Variants in ANKDD1A observed in about 807,000 individuals in gnomAD.
ANKDD1A encodes ankyrin repeat and death domain-containing protein 1A.
ANKDD1A carries 59 observed loss-of-function variants against 63.5 expected under a neutral mutation model. That is an observed-to-expected ratio of 0.93 (90% CI 0.75 to 1.15). The LOEUF (loss-of-function observed/expected upper bound fraction) is 1.15. Among genes scored for constraint, ANKDD1A ranks in the 50% most tolerant of loss-of-function variants. The pLI is 0.00. For synonymous variants in ANKDD1A, 266 were observed against 263.9 expected, an observed-to-expected ratio of 1.01 and a Z score of -0.08; for missense variants, 632 against 656.4, an observed-to-expected ratio of 0.96 and a Z score of 0.41.
chr15:64,945,957 AC>A (rs2085219926), intron 12 of ANKDD1A, among the ~76,000 whole-genome samples: 2 of 151,924 alleles, frequency 1.3e-5, no homozygotes, highest in African/African-American at 2.4e-5. Flanking sequence ...TCAAGACATA[AC>A]CCCATCATAA....
intron 4 of ANKDD1A, among the ~76,000 whole-genome samples, chr15:64,924,102 G>A (rs2085028486): frequency 1.3e-5 from 2 of 152,266 alleles, no homozygotes; most frequent in African/African-American, 2.4e-5. Flanking sequence ...CAAGGCTGCA[G>A]TCAGCAGGTG....
At chr15:64,951,323 C>G in intron 14 of ANKDD1A, 1 of 709,810 alleles carries the variant, frequency 1.4e-6, no homozygotes, top group African/African-American at 5.3e-5. Context: ...CTTCTTTCTT[C>G]TTTCCTCTTT....
rs923066135 is a variant in ANKDD1A at position 64,944,844 on chromosome 15, G to A, written c.1161+97G>A. The A allele has an allele frequency of 4.2e-6, 5 of 1,195,828 alleles. No homozygotes were observed. In the East Asian group the frequency reaches 1.2e-4, roughly 29 times the overall value. 74.1% of individuals were successfully genotyped at this position (1,195,828 alleles called of 1,614,324 possible). ...TGAACCCTAGGCCTGACCAATTCTG[G>A]GTCCCTCAGTCTCCAAGCAGGTGAT... On this transcript the variant is annotated intron_variant, in intron 12 of 14. Coordinates refer to ENST00000319580, the MANE Select transcript of ANKDD1A (RefSeq NM_182703.6).
At chr15:64,931,722 T>G in intron 8 of ANKDD1A, 137 bp downstream of exon 8, 2 of 921,896 alleles carry the variant, frequency 2.2e-6, no homozygotes, top group South Asian at 1.5e-5. Flanking sequence ...TGATCTTGGC[T>G]TCTCCACTGC....
At chr15:64,951,406 TTTTTCTTTTC>T (rs1484091092) in intron 14 of ANKDD1A, 101,460 of 269,370 alleles carry the variant, frequency 0.38, 21,669 homozygotes, top group South Asian at 0.46. Flanking sequence ...TCTTTTTTCT[TTTTTCTTTTC>T]TTCCTCTTTT....
At chr15:64,954,802 C>G (rs189724678) in intron 14 of ANKDD1A, among the ~76,000 whole-genome samples, 19 of 146,362 alleles carry the variant, frequency 1.3e-4, no homozygotes, top group African/African-American at 4.1e-4. Flanking sequence ...CTTAGTTGTT[C>G]TTCTTCCTTG....
chr15:64,939,886 T>C (rs1285572424), intron 9 of ANKDD1A, among the ~76,000 whole-genome samples: 2 of 152,098 alleles, frequency 1.3e-5, no homozygotes, highest in African/African-American at 4.8e-5. Context: ...CTATAAAGCT[T>C]TTAGAAAAAA....
At chr15:64,922,955 G>T (rs1055810692) in intron 4 of ANKDD1A, among the ~76,000 whole-genome samples, 3 of 152,062 alleles carry the variant, frequency 2.0e-5, no homozygotes, top group African/African-American at 7.2e-5. Flanking sequence ...TTGAAATTAT[G>T]GCAGTGATTA....
At chr15:64,940,992 C>T (rs755645126) in intron 9 of ANKDD1A, among the ~76,000 whole-genome samples, 42 of 152,332 alleles carry the variant, frequency 2.8e-4, no homozygotes, top group Non-Finnish European at 2.9e-5. Flanking sequence ...GTCCTCCCAC[C>T]TTAGCCTCCC....
At position 64,943,613 on chromosome 15, in the gene ANKDD1A, G is replaced by A. The variant is rs187324329; in HGVS notation, c.1065+31G>A. Reference sequence around the variant, plus strand: ...TCTGCTTACAACCCACCTCGCTTCAGGCTTTCATGGCTCCCCCCTTGCCAG... The same window carrying A: ...TCTGCTTACAACCCACCTCGCTTCAAGCTTTCATGGCTCCCCCCTTGCCAG... On this transcript the variant is annotated intron_variant, in intron 11 of 14. Coordinates refer to ENST00000319580, the MANE Select transcript of ANKDD1A (RefSeq NM_182703.6). The A allele has an allele frequency of 4.3e-4, 683 of 1,601,526 alleles. 13 individuals carry two copies. The East Asian group carries it at 0.013, about 31-fold the overall frequency.
intron 9 of ANKDD1A, among the ~76,000 whole-genome samples, chr15:64,936,664 C>G (rs117521251): frequency 6.6e-5 from 10 of 151,876 alleles, no homozygotes; most frequent in African/African-American, 2.4e-4. Flanking sequence ...CATAGTGAGA[C>G]CCCCGTATCT....
intron 14 of ANKDD1A, among the ~76,000 whole-genome samples, chr15:64,953,673 T>TC (rs2085355212): frequency 1.7e-4 from 13 of 76,872 alleles, no homozygotes; most frequent in South Asian, 6.6e-4. Flanking sequence ...TTCTTCTCCT[T>TC]CTTTTCTTCT....
intron 9 of ANKDD1A, among the ~76,000 whole-genome samples, chr15:64,941,692 G>C (rs973746435): frequency 6.6e-6 from 1 of 152,088 alleles, no homozygotes; most frequent in Non-Finnish European, 1.5e-5. Flanking sequence ...TTAGTTTCTA[G>C]TATCAATTTT....
intron 14 of ANKDD1A, among the ~76,000 whole-genome samples, chr15:64,951,699 C>CCTTATTCTTTTTTTTCTTCG (rs1689899540): frequency 6.6e-4 from 5 of 7,548 alleles, no homozygotes; most frequent in Admixed American, 6.1e-3. Context: ...TCCTCTTCTT[C>CCTTATTCTTTTTTTTCTTCG]TTCCTTATTT....
rs2085216765 is a variant in ANKDD1A at position 64,945,609 on chromosome 15, TATATA to T, written c.1161+863_1161+867del. ...AGAGGGATTAAATGCATTTTCAACATATATATATATATATATATATATGAACTTTT... is the reference window on the plus strand; with the variant it reads ...AGAGGGATTAAATGCATTTTCAACATTATATATATATATATATGAACTTTT... On this transcript the variant is annotated intron_variant, in intron 12 of 14. Transcript: ENST00000319580. 9.6e-4 allele frequency among the ~76,000 whole-genome samples: 72 copies of T among 75,220 alleles called. 4 individuals carry two copies. The South Asian group carries it at 0.022, about 23-fold the overall frequency. The allele number at this position is 75,220 out of a possible 152,430, so 49.3% of individuals were successfully genotyped here.
At position 64,953,853 on chromosome 15, in the gene ANKDD1A, C is replaced by T. The variant is rs1220240999; in HGVS notation, c.1484-3250C>T. Among the ~76,000 whole-genome samples, 27 of 10,948 alleles carry T rather than the reference C, an allele frequency of 2.5e-3. No individual in the cohort carries two copies. In the Admixed American group the frequency reaches 0.027, roughly 11 times the overall value. The allele number at this position is 10,948 out of a possible 152,430, so 7.2% of individuals were successfully genotyped here. A position where few individuals can be genotyped will look rare whatever the true frequency, so the allele number is the denominator to read the frequency against. ...CTTCTTTCCTCTTCTTTTCTTCTTT[C>T]CTCTTCTTCCTCTTTCTTCTTCATT... On this transcript the variant is annotated intron_variant, in intron 14 of 14. Coordinates refer to ENST00000319580, the MANE Select transcript of ANKDD1A (RefSeq NM_182703.6).
At chr15:64,944,264 G>C (rs530358769) in intron 11 of ANKDD1A, among the ~76,000 whole-genome samples, 3 of 152,328 alleles carry the variant, frequency 2.0e-5, no homozygotes, top group Admixed American at 2.0e-4. Flanking sequence ...GGCCTGACCA[G>C]AGGTGGGCAA....
intron 14 of ANKDD1A, chr15:64,951,352 T>TTCTTCTTCCCTCCTC (rs2085270664): frequency 1.7e-6 from 1 of 577,308 alleles, no homozygotes; most frequent in South Asian, 7.4e-5. Flanking sequence ...TCTTTCCTCT[T>TTCTTCTTCCCTCCTC]CTTTCTTCTT....
At chr15:64,953,526 TTCTTCTCCTCTC>T (rs2085343999) in intron 14 of ANKDD1A, among the ~76,000 whole-genome samples, 1 of 64,022 alleles carries the variant, frequency 1.6e-5, no homozygotes, top group Admixed American at 1.4e-4. Context: ...TCCTTCTTCC[TTCTTCTCCTCTC>T]CTTCTTCCTT....
Sources: allele counts gnomAD v4.1 joint callset (sites outside exome capture counted in the v4.1 genomes callset), GRCh38; gene constraint gnomAD v4.1.1; transcripts MANE v1.5; gene names NCBI Gene and HGNC (gene_info 2026-07-23, HGNC 2026-07-21).